Variants in AKAP7 observed in about 807,000 individuals in gnomAD.
AKAP7 encodes the protein A kinase (PRKA) anchor protein 7.
AKAP7 carries 39 observed loss-of-function variants against 39.5 expected under a neutral mutation model. That is an observed-to-expected ratio of 0.99 (90% CI 0.76 to 1.29). The LOEUF is 1.29. Ranked by LOEUF, AKAP7 falls within the 50% of genes most tolerant of loss-of-function variation. AKAP7 has a pLI of 0.00. For synonymous variants in AKAP7, 140 were observed against 139.1 expected (o/e 1.01, Z -0.05); for missense variants, 414 against 407.7 (o/e 1.02, Z -0.13).
chr6:131,140,763 T>C (rs888228988), intron 1 of AKAP7, among the ~76,000 whole-genome samples: 2 of 152,372 alleles, frequency 1.3e-5, no homozygotes, highest in South Asian at 2.1e-4. Flanking sequence ...GTAACATACA[T>C]GGTCAGTGGT....
chr6:131,142,219 C>G (rs1322944697), intron 1 of AKAP7, among the ~76,000 whole-genome samples: 2 of 152,152 alleles, frequency 1.3e-5, no homozygotes, highest in Non-Finnish European at 2.9e-5. Context: ...GAGGCAATTC[C>G]TAATAGCCAA....
intron 7 of AKAP7, among the ~76,000 whole-genome samples, chr6:131,241,796 G>C (rs1388032542): frequency 6.6e-6 from 1 of 151,966 alleles, no homozygotes; most frequent in East Asian, 1.9e-4. Flanking sequence ...CCTTAAACAA[G>C]AGGCTATGAT....
At chr6:131,153,768 A>G (rs1046929545) in intron 2 of AKAP7, among the ~76,000 whole-genome samples, 1 of 152,160 alleles carries the variant, frequency 6.6e-6, no homozygotes, top group Non-Finnish European at 1.5e-5. Context: ...TCTTATCTTC[A>G]CAGTAAAGAA....
rs553512882 is a variant in AKAP7 at position 131,237,220 on chromosome 6, G to A, written c.850+17412G>A. 2.9e-3 allele frequency among the ~76,000 whole-genome samples: 437 copies of A among 152,194 alleles called. 2 individuals carry two copies. The highest frequency in any genetic ancestry group is 0.01 in the African/African-American group (416 of 41,542). ...TGCTGGATTATGTTTATTGATTTTC[G>A]TATGTTGAACCAGCCTTGCATCCCA... On this transcript the variant is annotated intron_variant, in intron 7 of 7. Transcript: ENST00000431975.
intron 7 of AKAP7, among the ~76,000 whole-genome samples, chr6:131,224,917 A>ATT (rs572456427): frequency 6.8e-6 from 1 of 147,736 alleles, no homozygotes; most frequent in Non-Finnish European, 1.5e-5. Flanking sequence ...TGCCCGGCTA[A>ATT]TTTTTTTTTT....
chr6:131,166,459 T>C (rs759755370), intron 4 of AKAP7, among the ~76,000 whole-genome samples: 79 of 152,328 alleles, frequency 5.2e-4, no homozygotes, highest in South Asian at 1.7e-3. Context: ...TGTGTAGACA[T>C]GTATATCTTT....
intron 7 of AKAP7, among the ~76,000 whole-genome samples, chr6:131,279,912 A>G (rs1815069591): frequency 6.6e-6 from 1 of 152,200 alleles, no homozygotes; most frequent in Non-Finnish European, 1.5e-5. Context: ...AAACAGTTCC[A>G]GTTAATGCAT....
At chr6:131,245,093 A>ATTTCGGTTTTTTCGGTTGTGGTT (rs1161708878) in intron 7 of AKAP7, among the ~76,000 whole-genome samples, 20 of 152,206 alleles carry the variant, frequency 1.3e-4, no homozygotes, top group Non-Finnish European at 2.4e-4. Flanking sequence ...AGATTTATAG[A>ATTTCGGTTTTTTCGGTTGTGGTT]TAAAGTTTTT....
intron 7 of AKAP7, among the ~76,000 whole-genome samples, chr6:131,263,674 C>T (rs1813546323): frequency 6.6e-6 from 1 of 152,124 alleles, no homozygotes; most frequent in African/African-American, 2.4e-5. Flanking sequence ...AGCTCTGGAT[C>T]AACAGCCCTA....
intron 7 of AKAP7, chr6:131,250,557 G>A: frequency 6.2e-7 from 1 of 1,613,968 alleles, no homozygotes; most frequent in Non-Finnish European, 8.5e-7. Context: ...AAGACAGACA[G>A]GACCAGTGCC....
At chr6:131,156,960 A>G (rs1370567799) in intron 2 of AKAP7, among the ~76,000 whole-genome samples, 1 of 151,946 alleles carries the variant, frequency 6.6e-6, no homozygotes, top group African/African-American at 2.4e-5. Flanking sequence ...TATTTTTAGT[A>G]GAGACGGGGT....
At position 131,219,713 on chromosome 6, in the gene AKAP7, T is replaced by C. The variant is rs1231144804; in HGVS notation, c.755T>C (p.Phe252Ser). ...DLYEKFISHRFGEEILYRIDL... is the reference protein window; with the variant it reads ...DLYEKFISHRSGEEILYRIDL... ...TATGAAAAGTTTATCAGTCACAGAT[T>C]TGGAGAAGAAATATTATATCGCATA... is the stretch of plus-strand genomic sequence containing the variant. Residue 252 changes from phenylalanine (F) to serine (S), a missense_variant, in exon 7 of 8, where the codon TTT (phenylalanine) becomes TCT (serine). By Grantham distance (155) the Phe-to-Ser change is radical (BLOSUM62 -2). Transcript: ENST00000431975. 6.3e-7 allele frequency: 1 copy of C among 1,598,830 alleles called. No homozygotes were observed. The highest frequency in any genetic ancestry group is 8.5e-7 in the Non-Finnish European group (1 of 1,172,148).
chr6:131,250,544 G>A, intron 7 of AKAP7: 1 of 1,613,938 alleles, frequency 6.2e-7, no homozygotes, highest in Non-Finnish European at 8.5e-7. Flanking sequence ...AAGAACACCA[G>A]GAAAGACAGA....
chr6:131,145,024 G>C (rs1224098551), intron 1 of AKAP7, among the ~76,000 whole-genome samples: 1 of 152,128 alleles, frequency 6.6e-6, no homozygotes, highest in Non-Finnish European at 1.5e-5. Context: ...GAGGATTATT[G>C]ATTGACTCAG....
chr6:131,139,586 G>A (rs1232936862), intron 1 of AKAP7, among the ~76,000 whole-genome samples: 3 of 151,960 alleles, frequency 2.0e-5, no homozygotes, highest in Non-Finnish European at 4.4e-5. Flanking sequence ...CATGGGCAGT[G>A]AGATAGCTGT....
At chr6:131,180,856 C>T (rs561808769) in intron 5 of AKAP7, among the ~76,000 whole-genome samples, 17 of 144,066 alleles carry the variant, frequency 1.2e-4, no homozygotes, top group African/African-American at 3.6e-4. Context: ...TTTAATACTT[C>T]TCTCAATGTA....
intron 1 of AKAP7, among the ~76,000 whole-genome samples, chr6:131,137,211 T>C (rs1394086762): frequency 6.6e-6 from 1 of 152,032 alleles, no homozygotes; most frequent in African/African-American, 2.4e-5. Flanking sequence ...AGTCCTTCTC[T>C]GAGTGCTGGG....
chr6:131,208,914 A>T (rs1205523346), intron 6 of AKAP7, among the ~76,000 whole-genome samples: 1 of 152,224 alleles, frequency 6.6e-6, no homozygotes, highest in East Asian at 1.9e-4. Context: ...GAAGTGACAC[A>T]CATCATTTCT....
intron 2 of AKAP7, among the ~76,000 whole-genome samples, chr6:131,156,142 C>T (rs1802397808): frequency 6.6e-6 from 1 of 151,846 alleles, no homozygotes; most frequent in African/African-American, 2.4e-5. Context: ...TATTTTTTTC[C>T]CAGTACAGTA....
Sources: allele counts gnomAD v4.1 joint callset (sites outside exome capture counted in the v4.1 genomes callset), GRCh38; gene constraint gnomAD v4.1.1; transcripts MANE v1.5; gene names NCBI Gene and HGNC (gene_info 2026-07-23, HGNC 2026-07-21).